Variants in MAPK10 observed in about 807,000 individuals in gnomAD.
The protein encoded by MAPK10 is mitogen-activated protein kinase 10, also known as JNK3 alpha protein kinase.
In MAPK10, 25 loss-of-function variants were observed where a neutral mutation model predicts 59.3. The observed-to-expected ratio is 0.42, with a 90% CI of 0.31 to 0.59. The LOEUF (loss-of-function observed/expected upper bound fraction) is 0.59. MAPK10 is among the 20% of genes least tolerant of loss of function. The pLI, the probability that MAPK10 is intolerant of heterozygous loss-of-function variation, is 0.15. For missense variants in MAPK10, 351 were observed against 568.9 expected, an observed-to-expected ratio of 0.62 and a Z score of 3.90; for synonymous variants, 190 against 200.5, an observed-to-expected ratio of 0.95 and a Z score of 0.44.
intron 11 of MAPK10, among the ~76,000 whole-genome samples, chr4:86,039,259 C>T (rs910128844): frequency 1.3e-5 from 2 of 152,126 alleles, no homozygotes; most frequent in African/African-American, 4.8e-5. Context: ...AGCACGGAAA[C>T]AAGAAAAGAT....
chr4:86,457,167 A>C (rs1751311901), upstream of MAPK10, among the ~76,000 whole-genome samples: 1 of 152,246 alleles, frequency 6.6e-6, no homozygotes, highest in South Asian at 2.1e-4. Context: ...TCAATGTAAT[A>C]AAAGCCATCT....
chr4:86,467,763 G>A (rs904725390), intron 1 of MAPK10, among the ~76,000 whole-genome samples: 6 of 152,042 alleles, frequency 3.9e-5, no homozygotes, highest in African/African-American at 1.2e-4. Flanking sequence ...CGTGATCCGC[G>A]CACCTCGGCC....
upstream of MAPK10, among the ~76,000 whole-genome samples, chr4:86,361,872 A>G (rs751643798): frequency 1.3e-5 from 2 of 152,190 alleles, no homozygotes; most frequent in Non-Finnish European, 2.9e-5. Context: ...GGTGGTTACC[A>G]GTGGCTGGAG....
chr4:86,488,843 A>G (rs1726602767), intron 1 of MAPK10, among the ~76,000 whole-genome samples: 1 of 152,206 alleles, frequency 6.6e-6, no homozygotes, highest in African/African-American at 2.4e-5. Context: ...ATAACCTCAG[A>G]TTCTTTCCTT....
chr4:86,300,281 T>C (rs190074173), intron 2 of MAPK10, among the ~76,000 whole-genome samples: 16 of 152,336 alleles, frequency 1.1e-4, no homozygotes, highest in Admixed American at 3.3e-4. Context: ...CCCTTCTTTG[T>C]CACTGAAATC....
intron 13 of MAPK10, chr4:86,024,386 A>G (rs1749094180): frequency 6.6e-6 from 1 of 152,248 alleles, no homozygotes; most frequent in Non-Finnish European, 1.5e-5. Context: ...GGCTATGCTT[A>G]TAAAACACAC....
intron 1 of MAPK10, among the ~76,000 whole-genome samples, chr4:86,385,796 T>C (rs1431769990): frequency 2.0e-5 from 3 of 152,196 alleles, no homozygotes; most frequent in Non-Finnish European, 2.9e-5. Context: ...ATCTCTATGA[T>C]GTCAGGCTGA....
At chr4:86,528,992 G>A (rs1757676873) in intron 1 of MAPK10, among the ~76,000 whole-genome samples, 1 of 152,166 alleles carries the variant, frequency 6.6e-6, no homozygotes, top group African/African-American at 2.4e-5. Flanking sequence ...TGGGTGAAGG[G>A]AAGAGTTCTA....
rs371024438 is a variant in MAPK10 at position 86,451,103 on chromosome 4, C to G, written c.-122+1927G>C. Reference sequence around the variant, plus strand: ...GTAACAAAGGCTTAAAGGAACTTCCCCCACTGAGGATCTCAGAGAGAAGTA... The same window carrying G: ...GTAACAAAGGCTTAAAGGAACTTCCGCCACTGAGGATCTCAGAGAGAAGTA... On this transcript the variant is annotated intron_variant, in intron 1 of 13. Coordinates refer to the MAPK10 transcript ENST00000361569. Among the ~76,000 whole-genome samples, 72 of 152,208 alleles carry G rather than the reference C, an allele frequency of 4.7e-4. No homozygotes were observed. The East Asian group carries it at 0.011, about 23-fold the overall frequency.
chr4:86,172,728 A>C (rs1369243170), intron 3 of MAPK10, among the ~76,000 whole-genome samples: 1 of 151,838 alleles, frequency 6.6e-6, no homozygotes, highest in African/African-American at 2.4e-5. Flanking sequence ...GTATAATAAT[A>C]ATAAAATTGT....
intron 11 of MAPK10, among the ~76,000 whole-genome samples, chr4:86,060,355 C>T (rs1055017889): frequency 6.6e-6 from 1 of 152,200 alleles, no homozygotes; most frequent in African/African-American, 2.4e-5. Flanking sequence ...AAGGCCGTTG[C>T]ACTCAGGAGC....
chr4:86,027,719 C>T (rs1030917666), intron 13 of MAPK10: 7 of 152,216 alleles, frequency 4.6e-5, no homozygotes, highest in African/African-American at 1.4e-4. Context: ...GTGCAAGGCA[C>T]AGCACCCAGG....
chr4:86,275,656 A>G (rs1315655407), intron 2 of MAPK10, among the ~76,000 whole-genome samples: 2 of 152,220 alleles, frequency 1.3e-5, no homozygotes, highest in East Asian at 3.9e-4. Context: ...AAAAACACAC[A>G]ATTACTTTTG....
At chr4:86,336,847 G>T (rs1428328195) in intron 2 of MAPK10, among the ~76,000 whole-genome samples, 1 of 137,338 alleles carries the variant, frequency 7.3e-6, no homozygotes, top group Non-Finnish European at 1.5e-5. Context: ...CTGGAGTGCA[G>T]TGGTGCGATC....
intron 1 of MAPK10, among the ~76,000 whole-genome samples, chr4:86,471,850 G>A (rs898566142): frequency 2.6e-5 from 4 of 152,052 alleles, no homozygotes; most frequent in Non-Finnish European, 4.4e-5. Flanking sequence ...GATGATGACT[G>A]TAGAAACTGA....
At chr4:86,411,938 C>T (rs1745230010) in intron 1 of MAPK10, among the ~76,000 whole-genome samples, 1 of 152,144 alleles carries the variant, frequency 6.6e-6, no homozygotes. Flanking sequence ...TTGATCCTGT[C>T]ATTATGATGT....
At chr4:86,019,098 G>A (rs1374468318) in intron 13 of MAPK10, among the ~76,000 whole-genome samples, 4 of 152,100 alleles carry the variant, frequency 2.6e-5, no homozygotes, top group Non-Finnish European at 4.4e-5. Flanking sequence ...ATATATGGAC[G>A]TACTCTATGG....
rs142761600 is a variant in MAPK10 at position 86,586,257 on chromosome 4, C to A, written c.-263+7653G>T. ...AGAAATGAGTCAGAGACAGGACCAACCCTAGTAAAAATTGTGAATTAGGCA... is the reference window on the plus strand; with the variant it reads ...AGAAATGAGTCAGAGACAGGACCAAACCTAGTAAAAATTGTGAATTAGGCA... On this transcript the variant is annotated intron_variant, in intron 1 of 4. Transcript: ENST00000502302. Among the ~76,000 whole-genome samples the A allele has an allele frequency of 1.5e-3, 223 of 152,286 alleles. 4 individuals are homozygous for A. Among genetic ancestry groups the A allele is most frequent in the African/African-American group, 5.0e-3 (206 of 41,552 alleles).
chr4:86,498,462 A>T (rs1316682647), intron 1 of MAPK10, among the ~76,000 whole-genome samples: 1 of 152,228 alleles, frequency 6.6e-6, no homozygotes, highest in African/African-American at 2.4e-5. Context: ...TTAAAACTTC[A>T]TCAAACTGAG....
Sources: gnomAD v4.1 joint callset for allele counts (sites outside exome capture counted in the v4.1 genomes callset) on GRCh38, gnomAD v4.1.1 for gene constraint, MANE v1.5 for transcripts, NCBI Gene and HGNC (gene_info 2026-07-23, HGNC 2026-07-21) for gene names.